The following ZBTB20 variants were observed in gnomAD, a reference collection of about 807,000 sequenced individuals.
ZBTB20 encodes zinc finger and BTB domain-containing protein 20.
A neutral mutation model predicts 56.9 loss-of-function variants in ZBTB20; 9 were observed. The ratio of observed to expected loss-of-function variants is 0.16; its 90% confidence interval spans 0.10 to 0.28. ZBTB20 has a LOEUF of 0.28. Ranked by LOEUF, ZBTB20 falls within the 10% of genes least tolerant of loss-of-function variation. ZBTB20 has a pLI of 1.00. For missense variants in ZBTB20, 655 were observed against 1,003.0 expected (o/e 0.65, Z 4.69); for synonymous variants, 417 against 420.7 (o/e 0.99, Z 0.11).
chr3:114,575,790 T>C (rs1288613033), intron 6 of ZBTB20, among the ~76,000 whole-genome samples: 3 of 152,176 alleles, frequency 2.0e-5, no homozygotes, highest in Non-Finnish European at 4.4e-5. Flanking sequence ...ACCAAATATA[T>C]TTATTATTTG....
At chr3:114,430,409 C>T (rs2090032751) in intron 7 of ZBTB20, among the ~76,000 whole-genome samples, 1 of 152,120 alleles carries the variant, frequency 6.6e-6, no homozygotes, top group Non-Finnish European at 1.5e-5. Context: ...CAAGTTTGTC[C>T]ATCTACAAAG....
Position 114,753,139 on chromosome 3 carries a change from A to G in ZBTB20, c.-343+47962T>C, listed in dbSNP as rs537684753. 9.2e-5 allele frequency among the ~76,000 whole-genome samples: 14 copies of G among 151,638 alleles called. No individual in the cohort carries two copies. In the East Asian group the frequency reaches 1.7e-3, roughly 19 times the overall value. The stretch of plus-strand genomic sequence containing the variant: ...GGAATACACACACACACACATACAT[A>G]CACATTATGAAATAATATGAGGATA... On this transcript the variant is annotated intron_variant, in intron 5 of 11. Coordinates refer to ENST00000675478, the MANE Select transcript of ZBTB20 (RefSeq NM_001348800.3).
intron 5 of ZBTB20, among the ~76,000 whole-genome samples, chr3:114,783,614 T>A (rs1174087130): frequency 6.6e-6 from 1 of 151,716 alleles, no homozygotes. Context: ...ACCAACATGG[T>A]GAAACCCCGT....
intron 2 of ZBTB20, among the ~76,000 whole-genome samples, chr3:115,016,897 C>T (rs2079986411): frequency 1.3e-5 from 2 of 151,560 alleles, no homozygotes; most frequent in South Asian, 4.2e-4. Flanking sequence ...ATAGTAAGAG[C>T]CATATATGAC....
chr3:114,709,825 C>T (rs1207524003), intron 5 of ZBTB20, among the ~76,000 whole-genome samples: 1 of 152,204 alleles, frequency 6.6e-6, no homozygotes, highest in Non-Finnish European at 1.5e-5. Flanking sequence ...AACATATACA[C>T]TCTGCTGATG....
At chr3:114,997,900 G>C (rs1490179435) in intron 2 of ZBTB20, among the ~76,000 whole-genome samples, 3 of 147,032 alleles carry the variant, frequency 2.0e-5, no homozygotes, top group Non-Finnish European at 4.4e-5. Flanking sequence ...TAGTCTGCTG[G>C]GGAGAAGAAG....
chr3:115,063,398 G>A (rs922125259), intron 2 of ZBTB20, among the ~76,000 whole-genome samples: 1 of 152,140 alleles, frequency 6.6e-6, no homozygotes, highest in Non-Finnish European at 1.5e-5. Flanking sequence ...GCATATAGTA[G>A]TCTTCTCACT....
At chr3:115,116,847 G>A (rs1185294529) in intron 1 of ZBTB20, among the ~76,000 whole-genome samples, 1 of 152,004 alleles carries the variant, frequency 6.6e-6, no homozygotes. Context: ...AAAAACTCAA[G>A]GCTCCTAATC....
chr3:114,718,304 T>A (rs2064652378), intron 5 of ZBTB20, among the ~76,000 whole-genome samples: 1 of 152,118 alleles, frequency 6.6e-6, no homozygotes, highest in Non-Finnish European at 1.5e-5. Context: ...CTGAATATGT[T>A]TTCTGTGTTA....
intron 7 of ZBTB20, among the ~76,000 whole-genome samples, chr3:114,398,926 G>A (rs1170239558): frequency 1.3e-5 from 2 of 152,108 alleles, no homozygotes; most frequent in Non-Finnish European, 2.9e-5. Flanking sequence ...GCTTGGCAAC[G>A]ACTGGCACAA....
At chr3:114,680,787 A>G (rs555904824) in intron 6 of ZBTB20, among the ~76,000 whole-genome samples, 1 of 152,358 alleles carries the variant, frequency 6.6e-6, no homozygotes, top group South Asian at 2.1e-4. Flanking sequence ...TCTGCAGGGT[A>G]CAGATCATGC....
At chr3:114,516,966 G>A (rs774669200) in intron 6 of ZBTB20, among the ~76,000 whole-genome samples, 7 of 152,128 alleles carry the variant, frequency 4.6e-5, no homozygotes, top group Non-Finnish European at 8.8e-5. Context: ...CAAAGCCCCA[G>A]AAAACTGATA....
chr3:114,978,241 ATATT>A (rs1490326187), intron 2 of ZBTB20, among the ~76,000 whole-genome samples: 1 of 148,970 alleles, frequency 6.7e-6, no homozygotes, highest in Non-Finnish European at 1.5e-5. Context: ...ATTTATAAAT[ATATT>A]TAAACATATA....
At chr3:114,966,442 C>T (rs193051360) in intron 3 of ZBTB20, among the ~76,000 whole-genome samples, 176 of 152,184 alleles carry the variant, frequency 1.2e-3, no homozygotes, top group Admixed American at 2.9e-3. Context: ...AAATAATCAT[C>T]AGTTATTTAA....
At chr3:114,524,648 T>C (rs1204265578) in intron 6 of ZBTB20, among the ~76,000 whole-genome samples, 3 of 152,162 alleles carry the variant, frequency 2.0e-5, no homozygotes, top group Non-Finnish European at 4.4e-5. Flanking sequence ...CTAGACTAGA[T>C]AGCTACATAT....
chr3:114,860,193 G>C (rs2075455619), intron 4 of ZBTB20, among the ~76,000 whole-genome samples: 1 of 151,992 alleles, frequency 6.6e-6, no homozygotes, highest in East Asian at 1.9e-4. Context: ...TGTAGTCCCA[G>C]CTACTCGGGA....
chr3:114,871,435 A>G (rs1312285964), intron 4 of ZBTB20, among the ~76,000 whole-genome samples: 2 of 152,086 alleles, frequency 1.3e-5, no homozygotes, highest in African/African-American at 2.4e-5. Context: ...TGGCCAGAAC[A>G]TATTGCTTTT....
chr3:114,919,413 G>A (rs1288893953), intron 3 of ZBTB20, among the ~76,000 whole-genome samples: 1 of 151,862 alleles, frequency 6.6e-6, no homozygotes, highest in Non-Finnish European at 1.5e-5. Flanking sequence ...AGAAACAAAA[G>A]AACTACAAAA....
chr3:115,130,051 T>A (rs1243546503), intron 1 of ZBTB20, among the ~76,000 whole-genome samples: 3 of 152,158 alleles, frequency 2.0e-5, no homozygotes, highest in Admixed American at 6.5e-5. Context: ...TGTATCCACA[T>A]CATGCTTTTT....
Sources: allele counts gnomAD v4.1 joint callset (sites outside exome capture counted in the v4.1 genomes callset), GRCh38; gene constraint gnomAD v4.1.1; transcripts MANE v1.5; gene names NCBI Gene and HGNC (gene_info 2026-07-23, HGNC 2026-07-21).